The following HDAC8 variants were observed in gnomAD, a reference collection of about 807,000 sequenced individuals.
The protein encoded by HDAC8 is histone deacetylase 8, also known as histone deacetylase-like 1.
Under a neutral mutation model 32.2 loss-of-function variants are expected in HDAC8, and 1 was observed. The ratio of observed to expected loss-of-function variants is 0.03; its 90% CI spans 0.01 to 0.15. The LOEUF (loss-of-function observed/expected upper bound fraction) is 0.15, where lower values mean the gene tolerates loss of function less well. Ranked by LOEUF, HDAC8 falls within the 10% of genes least tolerant of loss-of-function variation. HDAC8 has a pLI of 1.00. For synonymous variants in HDAC8, 108 were observed against 113.9 expected (o/e 0.95, Z 0.33); for missense variants, 117 against 300.0 (o/e 0.39, Z 4.51).
At chrX:72,515,137 C>A (rs1556024163) in intron 4 of HDAC8, among the ~76,000 whole-genome samples, 1 of 111,187 alleles carries the variant, frequency 9.0e-6, no homozygotes, top group Non-Finnish European at 1.9e-5. Context: ...TGTACATTAG[C>A]TTTCCAGAAC....
chrX:72,361,689 C>A (rs2044555397), intron 9 of HDAC8, among the ~76,000 whole-genome samples: 1 of 103,729 alleles, frequency 9.6e-6, no homozygotes. Flanking sequence ...TGCTAAGCAT[C>A]ATTCTAGGCC....
intron 5 of HDAC8, among the ~76,000 whole-genome samples, chrX:72,494,908 C>G (rs2048975314): frequency 9.0e-6 from 1 of 111,446 alleles, no homozygotes. Context: ...ATTTTCACTT[C>G]TTAACATTCT....
chrX:72,337,505 A>G (rs1212255346), intron 10 of HDAC8, among the ~76,000 whole-genome samples: 1 of 110,307 alleles, frequency 9.1e-6, no homozygotes, highest in East Asian at 2.9e-4. Flanking sequence ...TTTTCAATCT[A>G]TTAGCAAGTC....
intron 9 of HDAC8, among the ~76,000 whole-genome samples, chrX:72,388,638 T>A (rs1555962653): frequency 1.3e-5 from 1 of 79,151 alleles, no homozygotes; most frequent in East Asian, 5.5e-4. Flanking sequence ...ACACACACAC[T>A]GCTATGGAAT....
chrX:72,467,694 ATAAT>A, intron 7 of HDAC8: 1 of 304,248 alleles, frequency 3.3e-6, no homozygotes, highest in Admixed American at 6.4e-5. Flanking sequence ...CTTTGAAGGC[ATAAT>A]TAGATTTCCA....
chrX:72,399,959 G>A (rs2045861367), intron 9 of HDAC8, among the ~76,000 whole-genome samples: 1 of 111,752 alleles, frequency 8.9e-6, no homozygotes, highest in Non-Finnish European at 1.9e-5. Context: ...TGACTACACT[G>A]TTGCTAAATC....
At chrX:72,519,925 T>C (rs1026940622) in intron 4 of HDAC8, among the ~76,000 whole-genome samples, 3 of 112,523 alleles carry the variant, frequency 2.7e-5, no homozygotes, top group Non-Finnish European at 5.6e-5. Flanking sequence ...ACAAAGTATT[T>C]ATTAAAATAT....
rs1487037512 is a variant in HDAC8, at chrX:72,486,773, T to G, written c.737+2160A>C. Among the ~76,000 whole-genome samples the G allele has an allele frequency of 2.7e-5, 3 of 111,901 alleles. No homozygotes were observed. In the Admixed American group the frequency reaches 2.8e-4, roughly 11 times the overall value. On this transcript the variant is annotated intron_variant, in intron 7 of 10. Transcript: ENST00000373573. ...GCCAAAATTTCGTTTTAAGGACTAT[T>G]TCTAATTGTAGAATAAAAGTATGTT...
chrX:72,498,914 ATCC>A lies in HDAC8; in HGVS notation c.438-3649_438-3647del, dbSNP rs1169299048. 2.7e-5 allele frequency among the ~76,000 whole-genome samples: 3 copies of A among 111,225 alleles called. No homozygotes were observed. The East Asian group carries it at 8.5e-4, about 31-fold the overall frequency. ...GGGAAGTGTTGGGTCATGGGGGTGT[ATCC>A]CTTACAAATGGCTTGGTTGTGATCT... On this transcript the variant is annotated intron_variant, in intron 4 of 10. Transcript: ENST00000373573.
At chrX:72,393,421 T>G (rs917659643) in intron 9 of HDAC8, among the ~76,000 whole-genome samples, 13 of 112,264 alleles carry the variant, frequency 1.2e-4, no homozygotes, top group Non-Finnish European at 1.1e-4. Context: ...CCCTTTGTGC[T>G]TTCCTCCCAA....
At chrX:72,424,600 A>G (rs1440258812) in intron 9 of HDAC8, among the ~76,000 whole-genome samples, 2 of 111,822 alleles carry the variant, frequency 1.8e-5, no homozygotes, top group South Asian at 3.7e-4. Flanking sequence ...TAAAGTGTAC[A>G]GTTCAGTGGT....
At chrX:72,421,618 C>G (rs1305619673) in intron 9 of HDAC8, among the ~76,000 whole-genome samples, 2 of 112,297 alleles carry the variant, frequency 1.8e-5, no homozygotes, top group East Asian at 2.8e-4. Context: ...ACACTGTGTG[C>G]CCAGTAACAT....
intron 10 of HDAC8, among the ~76,000 whole-genome samples, chrX:72,338,825 G>T (rs1397542184): frequency 3.8e-5 from 4 of 105,954 alleles, no homozygotes; most frequent in Non-Finnish European, 7.7e-5. Context: ...GAGGCATGAG[G>T]ATCCCTTGAG....
At chrX:72,530,548 A>G (rs887786956) in intron 4 of HDAC8, among the ~76,000 whole-genome samples, 2 of 109,898 alleles carry the variant, frequency 1.8e-5, no homozygotes, top group Non-Finnish European at 3.8e-5. Context: ...TGGATTTTCA[A>G]TGATACTATA....
chrX:72,467,930 A>G (rs1438731732), intron 7 of HDAC8: 5 of 1,164,646 alleles, frequency 4.3e-6, no homozygotes, highest in Non-Finnish European at 5.7e-6. Flanking sequence ...GGATAAAGGC[A>G]GGCAGGTGTT....
At chrX:72,382,141 G>A (rs1476566057) in intron 9 of HDAC8, among the ~76,000 whole-genome samples, 6 of 112,754 alleles carry the variant, frequency 5.3e-5, no homozygotes, top group African/African-American at 1.6e-4. Flanking sequence ...GCACAGTGCA[G>A]TGTACTCTGC....
chrX:72,340,564 A>AG, intron 10 of HDAC8, among the ~76,000 whole-genome samples: 2 of 17,460 alleles, frequency 1.1e-4, no homozygotes, highest in Middle Eastern at 0.074. Context: ...TCTCTTGCAC[A>AG]AAAAACCTAA....
chrX:72,362,257 AAG>A (rs1176961978), intron 9 of HDAC8, among the ~76,000 whole-genome samples: 1 of 110,834 alleles, frequency 9.0e-6, no homozygotes, highest in Non-Finnish European at 1.9e-5. Flanking sequence ...TTGTTGTTAA[AAG>A]AGTCAGGAAC....
intron 9 of HDAC8, among the ~76,000 whole-genome samples, chrX:72,409,603 C>T (rs1021772466): frequency 8.0e-5 from 9 of 112,691 alleles, no homozygotes; most frequent in Middle Eastern, 4.6e-3. Flanking sequence ...TATATAACAA[C>T]GGGTTCCTTC....
Sources: gnomAD v4.1 joint callset for allele counts (sites outside exome capture counted in the v4.1 genomes callset) on GRCh38, gnomAD v4.1.1 for gene constraint, MANE v1.5 for transcripts, NCBI Gene and HGNC (gene_info 2026-07-23, HGNC 2026-07-21) for gene names.